The following FHL1 variants were observed in gnomAD, a reference collection of about 807,000 sequenced individuals.
The protein encoded by FHL1 is four and a half LIM domains 1.
A neutral mutation model predicts 20.3 loss-of-function variants in FHL1; 1 was observed. The observed-to-expected ratio is 0.05, with a 90% CI of 0.02 to 0.23. The LOEUF is 0.23. FHL1 is among the 10% of genes least tolerant of loss of function. The pLI is 1.00. For missense variants in FHL1, 177 were observed against 234.0 expected, an observed-to-expected ratio of 0.76 and a Z score of 1.59; for synonymous variants, 82 against 88.9, an observed-to-expected ratio of 0.92 and a Z score of 0.44.
chrX:136,196,860 G>A (rs192893870), upstream of FHL1: 209 of 1,163,238 alleles, frequency 1.8e-4, no homozygotes, highest in Admixed American at 3.8e-3. Flanking sequence ...GAGTAGCCCC[G>A]CAGGTATTTA....
At chrX:136,196,757 G>A (rs777062465), upstream of FHL1, 14 of 1,114,009 alleles carry the variant, frequency 1.3e-5, no homozygotes, top group South Asian at 2.0e-5. Context: ...TTGGCTCAGC[G>A]TTAAGCTATG....
chrX:136,165,206 G>T (rs137922871), upstream of FHL1, among the ~76,000 whole-genome samples: 233 of 111,338 alleles, frequency 2.1e-3, 1 homozygote, highest in African/African-American at 6.6e-3. Flanking sequence ...TACTGTTAAA[G>T]ATTTGGTTAT....
rs2148373188 is a variant in FHL1 at position 136,207,035 on chromosome X, G to A, written c.224G>A (p.Arg75His). 2.5e-6 allele frequency: 3 copies of A among 1,211,117 alleles called. No homozygotes were observed. The highest frequency in any genetic ancestry group is 2.2e-6 in the Non-Finnish European group (2 of 895,436). Reference protein sequence around the residue: ...ADSKEVHYKNRFWHDTCFRCA... With the variant: ...ADSKEVHYKNHFWHDTCFRCA... ...TTCCAGGAGGTGCACTATAAGAACC[G>A]CTTCTGGCATGACACCTGCTTCCGC... Residue 75 changes from arginine to histidine, a missense_variant, in exon 3 of 6, where the codon CGC becomes CAC. By Grantham distance (29) the Arg-to-His change is conservative. Transcript: ENST00000370683.
intron 2 of FHL1, among the ~76,000 whole-genome samples, chrX:136,173,291 T>C (rs1382942750): frequency 8.9e-6 from 1 of 112,752 alleles, no homozygotes; most frequent in African/African-American, 3.2e-5. Context: ...CACTGACATA[T>C]GGTCATTTTC....
rs755900253 is a variant in FHL1, at chrX:136,207,820, C to T, written c.408C>T (p.Thr136=). 1.3e-5 allele frequency: 16 copies of T among 1,210,187 alleles called. No individual in the cohort carries two copies. Among genetic ancestry groups the T allele is most frequent in the African/African-American group, 3.5e-5 (2 of 57,285 alleles). Reference sequence around the variant, plus strand: ...ATCAAAACGTGGAGTACAAGGGGACCGTCTGGCACAAAGACTGCTTCACCT... The same window carrying T: ...ATCAAAACGTGGAGTACAAGGGGACTGTCTGGCACAAAGACTGCTTCACCT... ...AGDQNVEYKG[T]VWHKDCFTCS... The change falls in exon 4 of 6, where the codon ACC becomes ACT. Residue 136 remains threonine, a synonymous_variant. Coordinates refer to ENST00000370683, the MANE Select transcript of FHL1 (RefSeq NM_001159699.2).
At chrX:136,170,502 C>A (rs997210629) in intron 2 of FHL1, among the ~76,000 whole-genome samples, 2 of 111,248 alleles carry the variant, frequency 1.8e-5, no homozygotes, top group African/African-American at 3.3e-5. Flanking sequence ...AGATTTTCTT[C>A]TGATTTGCCC....
intron 1 of FHL1, 148 bp from the exon 2 acceptor site, chrX:136,206,259 T>C: frequency 1.5e-6 from 1 of 672,297 alleles, no homozygotes; most frequent in Admixed American, 2.3e-5. Context: ...TGGTGCCTGG[T>C]AGTCAGCTCG....
chrX:136,186,985 A>G (rs934522023), intron 2 of FHL1, among the ~76,000 whole-genome samples: 1 of 111,038 alleles, frequency 9.0e-6, no homozygotes, highest in African/African-American at 3.3e-5. Context: ...TAGCTTTACA[A>G]TTGGATACTA....
At chrX:136,162,572 A>G (rs1441340296) in intron 1 of FHL1, among the ~76,000 whole-genome samples, 1 of 111,672 alleles carries the variant, frequency 9.0e-6, no homozygotes, top group Non-Finnish European at 1.9e-5. Flanking sequence ...ACATGGGCCC[A>G]GGAGGCTGCA....
At chrX:136,160,655 C>T (rs190230471) in intron 1 of FHL1, among the ~76,000 whole-genome samples, 2 of 111,996 alleles carry the variant, frequency 1.8e-5, no homozygotes, top group East Asian at 5.6e-4. Context: ...AAACTCATGG[C>T]TTGTTTAGCT....
chrX:136,153,076 A>G (rs1281065270), intron 1 of FHL1, among the ~76,000 whole-genome samples: 1 of 111,952 alleles, frequency 8.9e-6, no homozygotes, highest in Non-Finnish European at 1.9e-5. Flanking sequence ...TACACAATTT[A>G]AACATTTGTG....
intron 4 of FHL1, among the ~76,000 whole-genome samples, chrX:136,208,175 C>T (rs1475536837): frequency 1.8e-5 from 2 of 112,143 alleles, no homozygotes; most frequent in African/African-American, 3.2e-5. Context: ...CCTGGTGGTG[C>T]GGGTGGCCCG....
In FHL1 at chrX:136,159,234, C is replaced by T. The variant is rs904298974; in HGVS notation, c.-100-10673C>T. On this transcript the variant is annotated intron_variant, in intron 1 of 7. Transcript: ENST00000394155. ...TAGATCAGGAGCTTTTTATTATTAC[C>T]GTGTGGATTAAAGTCTACTGTTTGT... Among the ~76,000 whole-genome samples the T allele has an allele frequency of 5.4e-5, 6 of 110,429 alleles. No individual in the cohort carries two copies. The South Asian group carries it at 1.2e-3, about 21-fold the overall frequency.
At chrX:136,207,231 CCT>C (rs1179779119) in intron 3 of FHL1, 41 bp downstream of exon 3, 1 of 1,163,918 alleles carries the variant, frequency 8.6e-7, no homozygotes, top group Non-Finnish European at 1.2e-6. Context: ...GGGAGGAGGC[CCT>C]GAGGGCAGAC....
intron 1 of FHL1, chrX:136,169,769 T>TA (rs2072810183): frequency 6.1e-6 from 2 of 329,303 alleles, no homozygotes; most frequent in African/African-American, 2.6e-5. Flanking sequence ...CCTTTAACTC[T>TA]AAGGGTTGTA....
intron 1 of FHL1, among the ~76,000 whole-genome samples, chrX:136,149,637 A>AT (rs1162876256): frequency 1.8e-5 from 2 of 111,584 alleles, no homozygotes; most frequent in African/African-American, 6.5e-5. Context: ...AAAGGAAAAT[A>AT]TTTTTTTCAG....
intron 1 of FHL1, among the ~76,000 whole-genome samples, chrX:136,205,274 A>G (rs1270510893): frequency 9.0e-6 from 1 of 111,585 alleles, no homozygotes; most frequent in Non-Finnish European, 1.9e-5. Context: ...CGTGTTGTCT[A>G]GGGCCACAGC....
chrX:136,207,844 C>T lies in FHL1; in HGVS notation c.432C>T (p.Thr144=), dbSNP rs1603271583. ...KGTVWHKDCF[T]CSNCKQVIGT... ...CCGTCTGGCACAAAGACTGCTTCAC[C>T]TGTAGTAACTGCAAGCAAGTCATCG... Residue 144 remains threonine, a synonymous_variant, in exon 4 of 6, where the codon ACC becomes ACT. Coordinates refer to ENST00000370683, the MANE Select transcript of FHL1 (RefSeq NM_001159699.2). The T allele has an allele frequency of 8.3e-7, 1 of 1,211,984 alleles. No individual in the cohort carries two copies. Among genetic ancestry groups the T allele is most frequent in the Non-Finnish European group, 1.1e-6 (1 of 895,503 alleles).
At chrX:136,192,605 C>A (rs763441036), upstream of FHL1, among the ~76,000 whole-genome samples, 1 of 111,710 alleles carries the variant, frequency 9.0e-6, no homozygotes, top group African/African-American at 3.2e-5. Context: ...TCTTTCATAC[C>A]TTTTCCTTTT....
Sources: allele counts gnomAD v4.1 joint callset (sites outside exome capture counted in the v4.1 genomes callset), GRCh38; gene constraint gnomAD v4.1.1; transcripts MANE v1.5; gene names NCBI Gene and HGNC (gene_info 2026-07-23, HGNC 2026-07-21).